SNAP91: variants seen among roughly 807,000 people sequenced by gnomAD.
SNAP91 encodes the protein synaptosome associated protein 91.
A neutral mutation model predicts 100.3 loss-of-function variants in SNAP91; 27 were observed. That is an observed-to-expected ratio of 0.27 (90% CI 0.20 to 0.37). The LOEUF is 0.37. Ranked by LOEUF, SNAP91 falls within the 10% of genes least tolerant of loss-of-function variation. The pLI is 1.00. For synonymous variants in SNAP91, 404 were observed against 398.6 expected (o/e 1.01, Z -0.16); for missense variants, 986 against 1,123.7 (o/e 0.88, Z 1.75).
intron 2 of SNAP91, among the ~76,000 whole-genome samples, chr6:83,669,554 A>G (rs1392820102): frequency 6.6e-6 from 1 of 151,080 alleles, no homozygotes; most frequent in Non-Finnish European, 1.5e-5. Context: ...GTTTTGACAA[A>G]CCTATACACT....
At chr6:83,620,808 T>G (rs2096687533) in intron 9 of SNAP91, among the ~76,000 whole-genome samples, 1 of 151,684 alleles carries the variant, frequency 6.6e-6, no homozygotes, top group Non-Finnish European at 1.5e-5. Flanking sequence ...ACCTCCCGGG[T>G]TCACGCCATT....
intron 2 of SNAP91, among the ~76,000 whole-genome samples, chr6:83,681,534 A>G (rs2098989499): frequency 6.6e-6 from 1 of 152,232 alleles, no homozygotes; most frequent in Admixed American, 6.5e-5. Flanking sequence ...AGATTCATCT[A>G]TAGTTTACAA....
chr6:83,585,900 G>A (rs1323375947), intron 22 of SNAP91, among the ~76,000 whole-genome samples: 2 of 150,474 alleles, frequency 1.3e-5, no homozygotes, highest in South Asian at 2.1e-4. Context: ...CACCAGGCTG[G>A]AGTGCAATGG....
At chr6:83,695,276 C>CAAAAAAAAAAAAAAAAAAAAAAAAAAAA (rs56103542) in intron 2 of SNAP91, among the ~76,000 whole-genome samples, 2 of 67,318 alleles carry the variant, frequency 3.0e-5, no homozygotes, top group Non-Finnish European at 2.5e-5. Context: ...GGCTCCATCT[C>CAAAAAAAAAAAAAAAAAAAAAAAAAAAA]AAAAAAAAAA....
chr6:83,663,154 G>A (rs976721392), intron 3 of SNAP91, among the ~76,000 whole-genome samples: 1 of 152,104 alleles, frequency 6.6e-6, no homozygotes, highest in African/African-American at 2.4e-5. Flanking sequence ...ACCGCTGGTT[G>A]TTCCCCTGAC....
chr6:83,683,664 G>A (rs2099022458), intron 2 of SNAP91, among the ~76,000 whole-genome samples: 1 of 152,072 alleles, frequency 6.6e-6, no homozygotes, highest in Admixed American at 6.6e-5. Flanking sequence ...TCCAGCCTCA[G>A]GTATTCCTTG....
intron 1 of SNAP91, 93 bp from the exon 2 acceptor site, chr6:83,708,050 C>T (rs2099403735): frequency 1.7e-5 from 20 of 1,150,160 alleles, no homozygotes; most frequent in Non-Finnish European, 2.1e-5. Flanking sequence ...CGCGGCGGCT[C>T]TCTCCTCCTC....
chr6:83,599,504 T>C (rs2094913832), intron 16 of SNAP91, among the ~76,000 whole-genome samples: 2 of 152,190 alleles, frequency 1.3e-5, no homozygotes, highest in African/African-American at 4.8e-5. Flanking sequence ...CTAAGTGTAT[T>C]ACCTATTATT....
chr6:83,664,839 A>C (rs1456427853), intron 3 of SNAP91, among the ~76,000 whole-genome samples: 1 of 152,100 alleles, frequency 6.6e-6, no homozygotes, highest in African/African-American at 2.4e-5. Context: ...TTGTAAAAGG[A>C]AGAGTCAATT....
intron 26 of SNAP91, among the ~76,000 whole-genome samples, chr6:83,566,840 C>T (rs1266435336): frequency 2.6e-5 from 4 of 152,196 alleles, no homozygotes; most frequent in African/African-American, 4.8e-5. Flanking sequence ...TATGGTCCTT[C>T]TATTCTGATC....
chr6:83,575,016 T>C lies in SNAP91; in HGVS notation c.2436A>G (p.Ala812=), dbSNP rs901819667. 1.9e-6 allele frequency: 3 copies of C among 1,587,576 alleles called. No individual in the cohort carries two copies. Among genetic ancestry groups the C allele is most frequent in the African/African-American group, 2.7e-5 (2 of 74,506 alleles). The part of the protein sequence containing the change: ...ATWSAGVPPS[A]PLQGAVPPTS... ...GGCTCTGATTGCTACATACCAAAGG[T>C]GCACTTGGTGGAACGCCTGCTGACC... is the stretch of plus-strand genomic sequence containing the variant. The change falls in exon 26 of 30, where the codon GCA becomes GCG. Residue 812 remains alanine (A), a synonymous_variant. Transcript: ENST00000369694.
intron 8 of SNAP91, among the ~76,000 whole-genome samples, chr6:83,634,380 C>CA (rs142531332): frequency 0.09 from 13,712 of 152,158 alleles, 2,026 homozygotes; most frequent in African/African-American, 0.31. Flanking sequence ...GGTGTGTGTT[C>CA]AGGGGCAGAG....
chr6:83,580,328 T>C, intron 24 of SNAP91, 122 bp downstream of exon 24: 1 of 979,136 alleles, frequency 1.0e-6, no homozygotes, highest in South Asian at 1.8e-5. Context: ...CTCCCTGCCA[T>C]ACTCACCCAT....
intron 10 of SNAP91, among the ~76,000 whole-genome samples, chr6:83,615,523 C>T (rs566269814): frequency 6.6e-6 from 1 of 152,244 alleles, no homozygotes; most frequent in Non-Finnish European, 1.5e-5. Context: ...TGAACTAGGG[C>T]ATCTCTTATT....
intron 8 of SNAP91, among the ~76,000 whole-genome samples, chr6:83,634,153 C>T (rs535196703): frequency 9.4e-4 from 143 of 152,296 alleles, no homozygotes; most frequent in African/African-American, 3.3e-3. Flanking sequence ...AGATTTCTTT[C>T]TCCCTGTGGC....
At chr6:83,599,107 A>T (rs1043659007) in intron 16 of SNAP91, among the ~76,000 whole-genome samples, 4 of 152,210 alleles carry the variant, frequency 2.6e-5, no homozygotes, top group African/African-American at 9.6e-5. Flanking sequence ...TAAAGCTACA[A>T]AGAATGCCAT....
intron 22 of SNAP91, among the ~76,000 whole-genome samples, chr6:83,587,051 T>C (rs894773954): frequency 5.9e-5 from 9 of 152,204 alleles, no homozygotes; most frequent in African/African-American, 2.2e-4. Context: ...GAATAGTTTT[T>C]ATGATAGATA....
chr6:83,640,092 A>T (rs2097627771), intron 8 of SNAP91, among the ~76,000 whole-genome samples: 1 of 152,168 alleles, frequency 6.6e-6, no homozygotes, highest in Non-Finnish European at 1.5e-5. Context: ...CTTATATTTA[A>T]AAAAGATTTT....
At chr6:83,684,353 T>C (rs1223948611) in intron 2 of SNAP91, among the ~76,000 whole-genome samples, 1 of 152,208 alleles carries the variant, frequency 6.6e-6, no homozygotes, top group Non-Finnish European at 1.5e-5. Flanking sequence ...CTGCTACTTC[T>C]TCACATACAA....
Sources: allele counts gnomAD v4.1 joint callset (sites outside exome capture counted in the v4.1 genomes callset), GRCh38; gene constraint gnomAD v4.1.1; transcripts MANE v1.5; gene names NCBI Gene and HGNC (gene_info 2026-07-23, HGNC 2026-07-21).